Variants in CEMIP observed in about 807,000 individuals in gnomAD.
CEMIP encodes cell migration inducing hyaluronidase 1, also known as cell migration-inducing and hyaluronan-binding protein.
A neutral mutation model predicts 156.9 loss-of-function variants in CEMIP; 105 were observed. The ratio of observed to expected loss-of-function variants is 0.67; its 90% confidence interval spans 0.57 to 0.79. The LOEUF is 0.79. CEMIP is among the 30% of genes least tolerant of loss of function. The pLI, the probability that CEMIP is intolerant of heterozygous loss-of-function variation, is 0.00. For missense variants in CEMIP, 1,457 were observed against 1,769.4 expected (o/e 0.82, Z 3.17); for synonymous variants, 676 against 668.4 (o/e 1.01, Z -0.17).
At chr15:80,926,988 G>A (rs1420227660) in intron 19 of CEMIP, among the ~76,000 whole-genome samples, 9 of 152,112 alleles carry the variant, frequency 5.9e-5, no homozygotes, top group Non-Finnish European at 8.8e-5. Context: ...GCACCACCAC[G>A]CCAGGCTAAT....
intron 1 of CEMIP, among the ~76,000 whole-genome samples, chr15:80,795,164 A>G (rs572777924): frequency 1.3e-5 from 2 of 152,218 alleles, no homozygotes; most frequent in East Asian, 3.9e-4. Flanking sequence ...CTTTTAAACC[A>G]TGCTCAGGAC....
intron 1 of CEMIP, among the ~76,000 whole-genome samples, chr15:80,812,277 C>T (rs1896690318): frequency 6.6e-6 from 1 of 152,198 alleles, no homozygotes; most frequent in African/African-American, 2.4e-5. Flanking sequence ...TGGCCTGCAT[C>T]TGGGGATCAC....
intron 12 of CEMIP, among the ~76,000 whole-genome samples, chr15:80,901,409 AT>A (rs1309937728): frequency 6.6e-6 from 1 of 152,182 alleles, no homozygotes; most frequent in Admixed American, 6.5e-5. Flanking sequence ...TACGTTAAAA[AT>A]TCTATTCCTG....
At chr15:80,904,468 C>T (rs916403379) in intron 12 of CEMIP, among the ~76,000 whole-genome samples, 3 of 152,222 alleles carry the variant, frequency 2.0e-5, no homozygotes, top group East Asian at 3.9e-4. Flanking sequence ...ATCTTCAGTA[C>T]CCATGAATGT....
chr15:80,842,679 C>T (rs1050111491), intron 1 of CEMIP, among the ~76,000 whole-genome samples: 4 of 152,048 alleles, frequency 2.6e-5, no homozygotes, highest in Non-Finnish European at 5.9e-5. Flanking sequence ...TTGCAGTGAG[C>T]CGTGATTGTG....
intron 14 of CEMIP, among the ~76,000 whole-genome samples, chr15:80,913,577 A>G (rs1040533466): frequency 5.3e-5 from 8 of 152,178 alleles, no homozygotes; most frequent in Admixed American, 1.3e-4. Context: ...TGAAGGGAGG[A>G]TGATGACAGA....
intron 10 of CEMIP, among the ~76,000 whole-genome samples, chr15:80,890,919 T>G (rs1899014238): frequency 6.6e-6 from 1 of 152,232 alleles, no homozygotes; most frequent in Non-Finnish European, 1.5e-5. Context: ...TCAGTGTTAT[T>G]GAGAAGGATT....
intron 23 of CEMIP, among the ~76,000 whole-genome samples, chr15:80,934,460 T>C (rs1014478337): frequency 6.6e-6 from 1 of 152,224 alleles, no homozygotes; most frequent in Non-Finnish European, 1.5e-5. Context: ...TCTAGTATTT[T>C]GATGAATGAC....
intron 14 of CEMIP, among the ~76,000 whole-genome samples, chr15:80,917,559 T>C (rs1306881902): frequency 1.3e-5 from 2 of 152,204 alleles, no homozygotes; most frequent in Admixed American, 1.3e-4. Context: ...AGCAGTCCCA[T>C]TGGCTGACCT....
At chr15:80,801,700 C>G (rs1199413530) in intron 1 of CEMIP, among the ~76,000 whole-genome samples, 3 of 152,152 alleles carry the variant, frequency 2.0e-5, no homozygotes, top group South Asian at 2.1e-4. Flanking sequence ...GATCAATCCA[C>G]CACACCCACC....
chr15:80,886,041 T>C (rs1050089971), intron 7 of CEMIP, among the ~76,000 whole-genome samples: 2 of 152,200 alleles, frequency 1.3e-5, no homozygotes, highest in African/African-American at 4.8e-5. Flanking sequence ...AATGAACACA[T>C]ACTGGTGGGA....
rs75239863 is a variant in CEMIP at position 80,935,200 on chromosome 15, G to A, written c.3010-1474G>A. On this transcript the variant is annotated intron_variant, in intron 23 of 29. Transcript: ENST00000394685. ...TGAGTGGTTGATATGATGATGTGAGGAAGATAAGAAGGGAAGTGGGGTCAG... is the reference window on the plus strand; with the variant it reads ...TGAGTGGTTGATATGATGATGTGAGAAAGATAAGAAGGGAAGTGGGGTCAG... Among the ~76,000 whole-genome samples, 4 of 152,228 alleles carry A rather than the reference G, an allele frequency of 2.6e-5. No individual in the cohort carries two copies. The East Asian group carries it at 7.7e-4, about 29-fold the overall frequency.
intron 24 of CEMIP, among the ~76,000 whole-genome samples, chr15:80,937,344 T>C (rs1901168704): frequency 6.6e-6 from 1 of 152,222 alleles, no homozygotes; most frequent in African/African-American, 2.4e-5. Flanking sequence ...GATTCTAGTA[T>C]TTTCTATGCA....
intron 1 of CEMIP, among the ~76,000 whole-genome samples, chr15:80,818,576 G>A (rs1281152947): frequency 6.6e-6 from 1 of 152,232 alleles, no homozygotes; most frequent in Non-Finnish European, 1.5e-5. Flanking sequence ...AAGCTGCAGG[G>A]AGCATTACTG....
intron 25 of CEMIP, 47 bp downstream of exon 25, chr15:80,938,026 T>A (rs1363911239): frequency 6.7e-7 from 1 of 1,499,198 alleles, no homozygotes; most frequent in East Asian, 2.3e-5. Flanking sequence ...CAACCTCATC[T>A]TGTCCCCTTG....
chr15:80,798,269 C>T (rs1392593146), intron 1 of CEMIP, among the ~76,000 whole-genome samples: 15 of 152,126 alleles, frequency 9.9e-5, no homozygotes, highest in East Asian at 5.8e-4. Context: ...TTACCTTATA[C>T]GTAACACATC....
chr15:80,881,858 T>G (rs1157109068), intron 6 of CEMIP, among the ~76,000 whole-genome samples: 1 of 152,190 alleles, frequency 6.6e-6, no homozygotes, highest in South Asian at 2.1e-4. Flanking sequence ...AGGCAAGACA[T>G]GGCAGTGATG....
In CEMIP at chr15:80,936,732, TC is replaced by T. The variant is rs1166953319; in HGVS notation, c.3072del (p.Ser1025AlafsTer77). ...CGAATGAAGATCATCAAGAATGACT[TC>T]CCCAGCCACCCTCTTTACCTGGAGG... ...NLRMKIIKND[F>X]PSHPLYLEGA... On this transcript the variant is annotated frameshift_variant, in exon 24 of 30. Coordinates refer to ENST00000394685, the MANE Select transcript of CEMIP (RefSeq NM_001293298.2). LOFTEE classifies it high-confidence loss of function. 1 of 1,614,116 alleles carries T rather than the reference TC, an allele frequency of 6.2e-7. No homozygotes were observed. Among genetic ancestry groups the T allele is most frequent in the Non-Finnish European group, 8.5e-7 (1 of 1,180,022 alleles).
In CEMIP at chr15:80,949,119, G is replaced by A; in HGVS notation, c.*195G>A. Reference sequence around the variant, plus strand: ...CCTGCCCCTACTCAAGTGTCTACCTGGAGCCCCTGGGGCGGTGCTGGCCAA... The same window carrying A: ...CCTGCCCCTACTCAAGTGTCTACCTAGAGCCCCTGGGGCGGTGCTGGCCAA... On this transcript the variant is annotated 3_prime_UTR_variant, in exon 30 of 30. Coordinates refer to ENST00000394685, the MANE Select transcript of CEMIP (RefSeq NM_001293298.2). 1.4e-6 allele frequency: 1 copy of A among 711,576 alleles called. No individual in the cohort carries two copies. Among genetic ancestry groups the A allele is most frequent in the Non-Finnish European group, 2.4e-6 (1 of 410,344 alleles). The allele number at this position is 711,576 out of a possible 1,614,324, so 44.1% of individuals were successfully genotyped here.
Sources: allele counts gnomAD v4.1 joint callset (sites outside exome capture counted in the v4.1 genomes callset), GRCh38; gene constraint gnomAD v4.1.1; transcripts MANE v1.5; gene names NCBI Gene and HGNC (gene_info 2026-07-23, HGNC 2026-07-21).